DHX15: variants seen among roughly 807,000 people sequenced by gnomAD.
DHX15 encodes the protein ATP-dependent RNA helicase DHX15.
In DHX15, 11 loss-of-function variants were observed where a neutral mutation model predicts 94.4. The observed-to-expected ratio is 0.12, with a 90% CI of 0.07 to 0.19. DHX15 has a LOEUF of 0.19. DHX15 is among the 10% of genes least tolerant of loss of function. The pLI, the probability that DHX15 is intolerant of heterozygous loss-of-function variation, is 1.00. For missense variants in DHX15, 304 were observed against 988.5 expected (o/e 0.31, Z 9.29); for synonymous variants, 338 against 329.9 (o/e 1.02, Z -0.27).
chr4:24,535,472 G>T (rs999859757), intron 11 of DHX15, among the ~76,000 whole-genome samples: 1 of 152,110 alleles, frequency 6.6e-6, no homozygotes, highest in Non-Finnish European at 1.5e-5. Context: ...CTAATCAGGG[G>T]TAAGTCTTTA....
At position 24,584,343 on chromosome 4, in the gene DHX15, C is replaced by T; in HGVS notation, c.51G>A (p.Lys17=). The part of the protein sequence containing the change: ...LDLGEDYPSG[K]KRAGTDGKDR... ...CTTACCCATCGGTCCCCGCACGCTT[C>T]TTGCCAGAGGGGTAATCCTCCCCTA... The change falls in exon 1 of 14, where the codon AAG becomes AAA. Residue 17 remains lysine, a synonymous_variant. Coordinates refer to ENST00000336812, the MANE Select transcript of DHX15 (RefSeq NM_001358.3). The T allele has an allele frequency of 6.2e-7, 1 of 1,613,148 alleles. No individual in the cohort carries two copies. The highest frequency in any genetic ancestry group is 8.5e-7 in the Non-Finnish European group (1 of 1,179,652).
Position 24,576,433 on chromosome 4 carries a change from G to A in DHX15, c.317C>T (p.Ala106Val). 1 of 1,614,196 alleles carries A rather than the reference G, an allele frequency of 6.2e-7. No homozygotes were observed. The highest frequency in any genetic ancestry group is 8.5e-7 in the Non-Finnish European group (1 of 1,180,046). ...GCACTGTGGAAGTGACGTGTGACCT[G>A]CATGTCCGGCATGCGTTGAATGAGC... ...HSAHSTHAGH[A>V]GHTSLPQCIN... The change falls in exon 2 of 14, where the codon GCA becomes GTA. Residue 106 changes from alanine (A) to valine (V), a missense_variant. By Grantham distance (64) the Ala-to-Val change is moderately conservative. This residue lies in a region of DHX15 where 143 missense variants were observed against 200.5 expected (regional missense o/e 0.71). Coordinates refer to ENST00000336812, the MANE Select transcript of DHX15 (RefSeq NM_001358.3).
intron 2 of DHX15, among the ~76,000 whole-genome samples, chr4:24,575,219 C>G (rs1167502698): frequency 6.6e-6 from 1 of 151,846 alleles, no homozygotes; most frequent in Non-Finnish European, 1.5e-5. Context: ...ATAAAAGCTT[C>G]CTATTTTGGT....
At chr4:24,555,012 T>C in intron 4 of DHX15, 69 bp from the exon 5 acceptor site, 3 of 1,217,174 alleles carry the variant, frequency 2.5e-6, no homozygotes, top group Admixed American at 1.8e-5. Context: ...AGTATAGCAA[T>C]ATTTACTATT....
intron 8 of DHX15, among the ~76,000 whole-genome samples, chr4:24,541,173 G>A (rs1473518551): frequency 2.0e-5 from 3 of 152,120 alleles, no homozygotes; most frequent in South Asian, 2.1e-4. Flanking sequence ...CGCAACTGCA[G>A]AAAGAAATTC....
At chr4:24,565,090 A>G (rs1721964261) in intron 3 of DHX15, among the ~76,000 whole-genome samples, 3 of 152,252 alleles carry the variant, frequency 2.0e-5, no homozygotes, top group South Asian at 4.1e-4. Flanking sequence ...CAAGTTTTAA[A>G]GGGAATATTC....
intron 3 of DHX15, among the ~76,000 whole-genome samples, chr4:24,566,548 G>A (rs1394929380): frequency 3.9e-5 from 6 of 152,110 alleles, no homozygotes; most frequent in East Asian, 1.9e-4. Context: ...CTTCCTGGCC[G>A]GGAGCAGTGG....
intron 6 of DHX15, among the ~76,000 whole-genome samples, chr4:24,545,461 T>G (rs1721402857): frequency 6.6e-6 from 1 of 152,188 alleles, no homozygotes; most frequent in African/African-American, 2.4e-5. Flanking sequence ...ATCAAATGAT[T>G]TATGCCAACT....
At chr4:24,555,259 C>T (rs569450044) in intron 4 of DHX15, among the ~76,000 whole-genome samples, 2 of 151,156 alleles carry the variant, frequency 1.3e-5, no homozygotes, top group South Asian at 4.2e-4. Flanking sequence ...ATAATTATTG[C>T]TACCATTATT....
intron 6 of DHX15, among the ~76,000 whole-genome samples, chr4:24,547,923 A>G (rs769366011): frequency 0.36 from 30,171 of 84,564 alleles, 4,056 homozygotes; most frequent in East Asian, 0.5. Context: ...ATATATATAT[A>G]TATATATATA....
chr4:24,568,248 TATG>T (rs1438625436), intron 3 of DHX15, among the ~76,000 whole-genome samples: 2 of 152,236 alleles, frequency 1.3e-5, no homozygotes, highest in East Asian at 1.9e-4. Context: ...TATATCTATA[TATG>T]ATAAGAGCTA....
chr4:24,583,702 A>C (rs1156847481), intron 1 of DHX15, among the ~76,000 whole-genome samples: 1 of 151,604 alleles, frequency 6.6e-6, no homozygotes, highest in African/African-American at 2.4e-5. Flanking sequence ...ATATTACTCC[A>C]CGTTTTCCTT....
intron 1 of DHX15, among the ~76,000 whole-genome samples, chr4:24,577,243 T>C (rs1038005960): frequency 2.0e-5 from 3 of 152,236 alleles, no homozygotes; most frequent in Admixed American, 6.5e-5. Context: ...CATAGGACGA[T>C]GTTCGGTTGT....
chr4:24,567,104 T>C (rs578001016), intron 3 of DHX15, among the ~76,000 whole-genome samples: 1 of 152,240 alleles, frequency 6.6e-6, no homozygotes, highest in East Asian at 1.9e-4. Flanking sequence ...AATCTCTAAT[T>C]TTACAGCTTA....
intron 6 of DHX15, among the ~76,000 whole-genome samples, chr4:24,547,925 A>ATCTATCTATC (rs1320549406): frequency 2.0e-5 from 1 of 50,958 alleles, no homozygotes; most frequent in African/African-American, 9.2e-5. Flanking sequence ...ATATATATAT[A>ATCTATCTATC]TATATATATA....
intron 3 of DHX15, among the ~76,000 whole-genome samples, chr4:24,564,479 T>A (rs1268477732): frequency 6.6e-6 from 1 of 152,200 alleles, no homozygotes; most frequent in African/African-American, 2.4e-5. Flanking sequence ...CATCTGCCTA[T>A]CAAAGTCTCT....
At chr4:24,567,220 T>A (rs956305573) in intron 3 of DHX15, among the ~76,000 whole-genome samples, 1 of 152,182 alleles carries the variant, frequency 6.6e-6, no homozygotes, top group African/African-American at 2.4e-5. Flanking sequence ...ATTATCAAAT[T>A]GTTTTCTTCC....
At chr4:24,544,751 T>C (rs1721387431) in intron 6 of DHX15, among the ~76,000 whole-genome samples, 1 of 152,154 alleles carries the variant, frequency 6.6e-6, no homozygotes, top group African/African-American at 2.4e-5. Flanking sequence ...AACTTGCATA[T>C]TACTTAGTCT....
chr4:24,539,707 C>T (rs1267076271), intron 10 of DHX15: 1 of 153,372 alleles, frequency 6.5e-6, no homozygotes, highest in African/African-American at 2.4e-5. Context: ...TAATGTATAG[C>T]TTTCAGTTTG....
Sources: allele counts gnomAD v4.1 joint callset (sites outside exome capture counted in the v4.1 genomes callset), GRCh38; gene constraint gnomAD v4.1.1; regional missense constraint gnomAD v4.1.1; transcripts MANE v1.5; gene names NCBI Gene and HGNC (gene_info 2026-07-23, HGNC 2026-07-21).